Variants in FYB1 observed in about 807,000 individuals in gnomAD.
FYB1 encodes FYN binding protein 1.
Under a neutral mutation model 94.1 loss-of-function variants are expected in FYB1, and 41 were observed. The ratio of observed to expected loss-of-function variants is 0.44; its 90% CI spans 0.34 to 0.57. The LOEUF is 0.57. FYB1 is among the 20% of genes least tolerant of loss of function. FYB1 has a pLI of 0.02. For missense variants in FYB1, 1,050 were observed against 976.8 expected, an observed-to-expected ratio of 1.07 and a Z score of -1.00; for synonymous variants, 367 against 353.2, an observed-to-expected ratio of 1.04 and a Z score of -0.44.
intron 2 of FYB1, among the ~76,000 whole-genome samples, chr5:39,158,118 T>A (rs1189134772): frequency 1.3e-5 from 2 of 152,200 alleles, no homozygotes; most frequent in East Asian, 3.9e-4. Flanking sequence ...GAATTGCGAA[T>A]AACAGGGAGT....
chr5:39,125,843 C>G (rs531882336), intron 12 of FYB1, 155 bp downstream of exon 12: 63 of 645,920 alleles, frequency 9.8e-5, no homozygotes, highest in African/African-American at 4.9e-4. Flanking sequence ...TTAAAGGTGA[C>G]ACCATAAACG....
At chr5:39,260,144 A>C (rs1752152249) in intron 1 of FYB1, among the ~76,000 whole-genome samples, 1 of 152,368 alleles carries the variant, frequency 6.6e-6, no homozygotes, top group East Asian at 1.9e-4. Flanking sequence ...GACAAAAAGC[A>C]TAGGAAGGAG....
At chr5:39,165,564 T>C (rs1744653824) in intron 2 of FYB1, among the ~76,000 whole-genome samples, 1 of 152,326 alleles carries the variant, frequency 6.6e-6, no homozygotes, top group South Asian at 2.1e-4. Context: ...GAAAAACTTA[T>C]GGTCATTAGC....
chr5:39,244,489 G>T (rs1231508585), intron 1 of FYB1, among the ~76,000 whole-genome samples: 2 of 152,078 alleles, frequency 1.3e-5, no homozygotes, highest in Non-Finnish European at 2.9e-5. Context: ...AGGGATGAAG[G>T]CCACTTGATC....
intron 1 of FYB1, among the ~76,000 whole-genome samples, chr5:39,257,906 A>G (rs1204430746): frequency 6.6e-6 from 1 of 152,200 alleles, no homozygotes; most frequent in Admixed American, 6.5e-5. Context: ...ACAGGCAGTT[A>G]AAATGGGCAG....
At chr5:39,228,797 G>T (rs1478450784) in intron 1 of FYB1, among the ~76,000 whole-genome samples, 1 of 152,118 alleles carries the variant, frequency 6.6e-6, no homozygotes, top group African/African-American at 2.4e-5. Context: ...AGCTAATAAA[G>T]CAAGATCTCT....
intron 2 of FYB1, 113 bp from the exon 3 acceptor site, chr5:39,153,717 G>A: frequency 1.2e-6 from 1 of 844,276 alleles, no homozygotes; most frequent in South Asian, 1.9e-5. Context: ...ATTAACAACT[G>A]GCTATATGGA....
chr5:39,236,828 G>A (rs868171367), intron 1 of FYB1, among the ~76,000 whole-genome samples: 4 of 152,202 alleles, frequency 2.6e-5, no homozygotes, highest in Middle Eastern at 3.4e-3. Flanking sequence ...CTTGACCTGA[G>A]TTTCAATGTT....
At chr5:39,174,617 T>G (rs982575219) in intron 2 of FYB1, among the ~76,000 whole-genome samples, 3 of 152,232 alleles carry the variant, frequency 2.0e-5, no homozygotes, top group African/African-American at 7.2e-5. Context: ...ATAAATGATT[T>G]ACTCAAGGAC....
chr5:39,146,229 C>T (rs1015032160), intron 3 of FYB1, among the ~76,000 whole-genome samples: 5 of 152,042 alleles, frequency 3.3e-5, no homozygotes, highest in East Asian at 1.9e-4. Context: ...TTCTTTAAGC[C>T]TCTCCTTAAA....
At position 39,202,622 on chromosome 5, in the gene FYB1, T is replaced by C; in HGVS notation, c.339A>G (p.Val113=). ...TGGGCAAGTTGATGGGCTTGGGGCC[T>C]ACAGGTTTCAGAAATCCCACTTTCG... ...PEAKVGFLKP[V]GPKPINLPKE... Residue 113 remains valine, a synonymous_variant, in exon 2 of 19, where the codon GTA becomes GTG. Transcript: ENST00000512982. The C allele has an allele frequency of 3.1e-6, 5 of 1,613,844 alleles. No individual in the cohort carries two copies. The highest frequency in any genetic ancestry group is 3.4e-6 in the Non-Finnish European group (4 of 1,179,864).
In FYB1 at chr5:39,265,324, T is replaced by TA. The variant is rs879504296; in HGVS notation, c.-28+9078dup. On this transcript the variant is annotated intron_variant, in intron 1 of 1. Transcript: ENST00000510188. ...GTGAAACCCCATCTCTACTAAAAAA[T>TA]AAAAAAAAAATTAGCCAGTTGTGAT... is the stretch of plus-strand genomic sequence containing the variant. Among the ~76,000 whole-genome samples, 260 of 148,292 alleles carry TA rather than the reference T, an allele frequency of 1.8e-3. 3 individuals are homozygous for TA. The highest frequency in any genetic ancestry group is 3.5e-3 in the Middle Eastern group (1 of 288).
intron 2 of FYB1, among the ~76,000 whole-genome samples, chr5:39,175,962 A>T (rs1430777056): frequency 1.3e-5 from 2 of 151,742 alleles, no homozygotes; most frequent in African/African-American, 4.8e-5. Flanking sequence ...ATATGGAATC[A>T]CTCATTTTAT....
At chr5:39,200,764 G>A (rs1046312337) in intron 2 of FYB1, among the ~76,000 whole-genome samples, 2 of 152,122 alleles carry the variant, frequency 1.3e-5, no homozygotes, top group Non-Finnish European at 1.5e-5. Flanking sequence ...GTGCAAAAAC[G>A]AAAAACAACC....
In FYB1 at chr5:39,123,759, TGTCTCAGCA is replaced by T. The variant is rs538852090; in HGVS notation, c.2071+485_2071+493del. Among the ~76,000 whole-genome samples the T allele has an allele frequency of 1.6e-4, 25 of 152,288 alleles. No homozygotes were observed. The South Asian group carries it at 5.2e-3, about 32-fold the overall frequency. ...TAAATTTTAAAAACATCTAAAGATCTGTCTCAGCAGGGATGAAAAAATAGTAACTGATAG... is the reference window on the plus strand; with the variant it reads ...TAAATTTTAAAAACATCTAAAGATCTGGGATGAAAAAATAGTAACTGATAG... On this transcript the variant is annotated intron_variant, in intron 13 of 18. Transcript: ENST00000512982.
chr5:39,203,039 C>T, intron 1 of FYB1, 52 bp from the exon 2 acceptor site: 1 of 1,525,624 alleles, frequency 6.6e-7, no homozygotes, highest in Non-Finnish European at 9.0e-7. Context: ...CTTACTTGCA[C>T]AGTTTAAAAT....
intron 2 of FYB1, among the ~76,000 whole-genome samples, chr5:39,176,157 TTTTTTTTTTTA>T (rs1745711510): frequency 7.9e-6 from 1 of 126,994 alleles, no homozygotes; most frequent in African/African-American, 3.2e-5. Flanking sequence ...TTTTTTTTTT[TTTTTTTTTTTA>T]AAGACAGAGT....
chr5:39,203,053 A>G, intron 1 of FYB1, 66 bp from the exon 2 acceptor site: 1 of 1,407,376 alleles, frequency 7.1e-7, no homozygotes, highest in Non-Finnish European at 9.8e-7. Flanking sequence ...TTAAAATACT[A>G]TACCTTACAG....
upstream of FYB1, among the ~76,000 whole-genome samples, chr5:39,220,493 GA>G (rs763419745): frequency 3.3e-5 from 5 of 150,450 alleles, no homozygotes; most frequent in Non-Finnish European, 5.9e-5. Flanking sequence ...AAAGAAAAGA[GA>G]AAAAAAGAAA....
Sources: gnomAD v4.1 joint callset for allele counts (sites outside exome capture counted in the v4.1 genomes callset) on GRCh38, gnomAD v4.1.1 for gene constraint, MANE v1.5 for transcripts, NCBI Gene and HGNC (gene_info 2026-07-23, HGNC 2026-07-21) for gene names.